Variants in PPP2R2B observed in about 807,000 individuals in gnomAD.
PPP2R2B encodes protein phosphatase 2 regulatory subunit Bbeta.
PPP2R2B carries 5 observed loss-of-function variants against 46.0 expected under a neutral mutation model. The observed-to-expected ratio is 0.11, with a 90% CI of 0.06 to 0.23. The LOEUF (loss-of-function observed/expected upper bound fraction) is 0.23, where lower values mean the gene tolerates loss of function less well. PPP2R2B is among the 10% of genes least tolerant of loss of function. The probability of loss-of-function intolerance (pLI) is 1.00; values close to 1 mark genes in which losing one functional copy is unlikely to be tolerated. For missense variants in PPP2R2B, 367 were observed against 575.0 expected (o/e 0.64, Z 3.70); for synonymous variants, 215 against 206.7 (o/e 1.04, Z -0.34).
At chr5:147,064,272 C>T (rs1185562665) in intron 2 of PPP2R2B, among the ~76,000 whole-genome samples, 1 of 152,118 alleles carries the variant, frequency 6.6e-6, no homozygotes, top group Non-Finnish European at 1.5e-5. Flanking sequence ...TCAACCTCAG[C>T]CCTATTGATA....
chr5:146,999,630 G>A (rs1754075266), intron 1 of PPP2R2B, among the ~76,000 whole-genome samples: 2 of 152,070 alleles, frequency 1.3e-5, no homozygotes, highest in African/African-American at 4.8e-5. Flanking sequence ...TATGACACCA[G>A]GAATAAACAG....
intron 1 of PPP2R2B, among the ~76,000 whole-genome samples, chr5:147,053,545 A>AACACAC (rs5872002): frequency 0.012 from 1,799 of 148,534 alleles, 28 homozygotes; most frequent in African/African-American, 0.025. Flanking sequence ...CAACAATATA[A>AACACAC]ACACACACAC....
chr5:147,041,404 C>T (rs749800426), intron 1 of PPP2R2B, among the ~76,000 whole-genome samples: 17 of 152,190 alleles, frequency 1.1e-4, no homozygotes, highest in Non-Finnish European at 2.1e-4. Flanking sequence ...GCTATGCTCT[C>T]TCCAACTGAG....
intron 5 of PPP2R2B, among the ~76,000 whole-genome samples, chr5:146,665,094 T>C (rs1055402016): frequency 6.6e-6 from 1 of 152,198 alleles, no homozygotes; most frequent in African/African-American, 2.4e-5. Flanking sequence ...ACTTTCAGAA[T>C]GGTAAGTGAA....
intron 2 of PPP2R2B, among the ~76,000 whole-genome samples, chr5:146,845,103 G>C (rs1368105836): frequency 6.6e-6 from 1 of 151,962 alleles, no homozygotes; most frequent in Non-Finnish European, 1.5e-5. Flanking sequence ...CAAGCCTCAG[G>C]GCTCTTGGAC....
intron 1 of PPP2R2B, among the ~76,000 whole-genome samples, chr5:146,985,055 CTG>C (rs1753362028): frequency 8.0e-6 from 1 of 124,804 alleles, no homozygotes; most frequent in South Asian, 2.7e-4. Context: ...GAGTCTCACT[CTG>C]TCAACCAGGC....
At chr5:146,649,174 G>A (rs947312712) in intron 6 of PPP2R2B, among the ~76,000 whole-genome samples, 4 of 152,130 alleles carry the variant, frequency 2.6e-5, no homozygotes, top group Admixed American at 2.6e-4. Flanking sequence ...TTTAGAGGCA[G>A]GGCTCATGGA....
At chr5:146,686,811 C>A (rs996846520) in intron 5 of PPP2R2B, among the ~76,000 whole-genome samples, 4 of 152,116 alleles carry the variant, frequency 2.6e-5, no homozygotes, top group African/African-American at 9.7e-5. Context: ...TTTCTCACCA[C>A]CCAACTTCCA....
chr5:146,619,200 T>A (rs1362698591), intron 7 of PPP2R2B, among the ~76,000 whole-genome samples: 2 of 151,750 alleles, frequency 1.3e-5, no homozygotes, highest in Admixed American at 1.3e-4. Flanking sequence ...CAGTAGGGAC[T>A]GTGGCAAACT....
At chr5:147,010,222 G>A (rs1293509708) in intron 1 of PPP2R2B, among the ~76,000 whole-genome samples, 1 of 152,154 alleles carries the variant, frequency 6.6e-6, no homozygotes, top group Non-Finnish European at 1.5e-5. Flanking sequence ...GAACTACTTA[G>A]AGTCAGCTAG....
At chr5:146,796,887 A>G (rs1756573262) in intron 2 of PPP2R2B, among the ~76,000 whole-genome samples, 1 of 152,194 alleles carries the variant, frequency 6.6e-6, no homozygotes, top group Non-Finnish European at 1.5e-5. Flanking sequence ...CTGAACTTTT[A>G]TAGTAGTGAG....
At chr5:146,691,810 C>T (rs1393982541) in intron 4 of PPP2R2B, among the ~76,000 whole-genome samples, 2 of 152,204 alleles carry the variant, frequency 1.3e-5, no homozygotes, top group Non-Finnish European at 2.9e-5. Flanking sequence ...ACACATTAAG[C>T]TCACTAAGCC....
intron 2 of PPP2R2B, among the ~76,000 whole-genome samples, chr5:146,733,744 A>G (rs1197795865): frequency 6.6e-6 from 1 of 151,594 alleles, no homozygotes; most frequent in Non-Finnish European, 1.5e-5. Flanking sequence ...CGTCATTTAT[A>G]TGGTAGCATA....
At chr5:146,629,187 C>T (rs1015150114) in intron 7 of PPP2R2B, among the ~76,000 whole-genome samples, 3 of 152,222 alleles carry the variant, frequency 2.0e-5, no homozygotes, top group Admixed American at 1.3e-4. Context: ...GTCTGCCAGA[C>T]TTCTCTAATT....
intron 6 of PPP2R2B, among the ~76,000 whole-genome samples, chr5:146,643,508 CA>C (rs1775365990): frequency 6.6e-6 from 1 of 152,134 alleles, no homozygotes; most frequent in Non-Finnish European, 1.5e-5. Flanking sequence ...AGGTTCTTGG[CA>C]TTGTATGTTC....
chr5:146,827,230 C>T (rs1378836077), intron 2 of PPP2R2B, among the ~76,000 whole-genome samples: 1 of 152,154 alleles, frequency 6.6e-6, no homozygotes, highest in Non-Finnish European at 1.5e-5. Context: ...ATTTTCAAAT[C>T]TCTAGTTCAA....
chr5:146,867,423 G>A (rs1250821627), intron 2 of PPP2R2B, among the ~76,000 whole-genome samples: 1 of 152,112 alleles, frequency 6.6e-6, no homozygotes, highest in Non-Finnish European at 1.5e-5. Context: ...TATTTTTTAT[G>A]ACTCCTTGCC....
chr5:146,801,106 T>A (rs959632656), intron 2 of PPP2R2B, among the ~76,000 whole-genome samples: 3 of 152,264 alleles, frequency 2.0e-5, no homozygotes, highest in South Asian at 2.1e-4. Flanking sequence ...ATGATCTCAC[T>A]TATATGTGGA....
intron 2 of PPP2R2B, among the ~76,000 whole-genome samples, chr5:146,797,773 T>C (rs1328861708): frequency 6.6e-6 from 1 of 152,196 alleles, no homozygotes; most frequent in Non-Finnish European, 1.5e-5. Context: ...TATTTGTTTG[T>C]TTCAGAGCCT....
Sources: allele counts gnomAD v4.1 joint callset (sites outside exome capture counted in the v4.1 genomes callset), GRCh38; gene constraint gnomAD v4.1.1; transcripts MANE v1.5; gene names NCBI Gene and HGNC (gene_info 2026-07-23, HGNC 2026-07-21).